The following YTHDC2 variants were observed in gnomAD, a reference collection of about 807,000 sequenced individuals.
YTHDC2 encodes the protein 3'-5' RNA helicase YTHDC2.
Under a neutral mutation model 174.9 loss-of-function variants are expected in YTHDC2, and 45 were observed. The observed-to-expected ratio is 0.26, with a 90% CI of 0.20 to 0.33. The LOEUF is 0.33. Ranked by LOEUF, YTHDC2 falls within the 10% of genes least tolerant of loss-of-function variation. The probability of loss-of-function intolerance (pLI) is 1.00; values close to 1 mark genes in which losing one functional copy is unlikely to be tolerated. For synonymous variants in YTHDC2, 657 were observed against 574.5 expected, an observed-to-expected ratio of 1.14 and a Z score of -2.05; for missense variants, 1,650 against 1,723.7, an observed-to-expected ratio of 0.96 and a Z score of 0.76.
Position 113,526,395 on chromosome 5 carries a change from A to G in YTHDC2, c.476-191A>G, listed in dbSNP as rs17164188. On this transcript the variant is annotated intron_variant, in intron 3 of 29. Coordinates refer to ENST00000161863, the MANE Select transcript of YTHDC2 (RefSeq NM_022828.5). ...ATGTTCAATGAGAATATTATGTGTA[A>G]GAGTACAATTGAGATATTGCTTGAC... Among the ~76,000 whole-genome samples, 1,501 of 152,224 alleles carry G rather than the reference A, an allele frequency of 9.9e-3. 10 individuals carry two copies. Among genetic ancestry groups the G allele is most frequent in the Non-Finnish European group, 0.017 (1,127 of 67,968 alleles).
intron 23 of YTHDC2, among the ~76,000 whole-genome samples, chr5:113,569,053 G>A (rs753861227): frequency 6.6e-6 from 1 of 151,744 alleles, no homozygotes; most frequent in Middle Eastern, 3.4e-3. Flanking sequence ...TTTAATAATA[G>A]CAATTCTGAT....
chr5:113,563,961 G>C lies in YTHDC2; in HGVS notation c.2545G>C (p.Val849Leu). 1 of 1,614,158 alleles carries C rather than the reference G, an allele frequency of 6.2e-7. No homozygotes were observed. The highest frequency in any genetic ancestry group is 8.5e-7 in the Non-Finnish European group (1 of 1,180,026). The change falls in exon 20 of 30, where the codon GTT (valine) becomes CTT (leucine). Residue 849 changes from valine to leucine, a missense_variant. Val to Leu is a conservative substitution (Grantham distance 32). Coordinates refer to ENST00000161863, the MANE Select transcript of YTHDC2 (RefSeq NM_022828.5). The stretch of plus-strand genomic sequence containing the variant: ...TCTTGGTAAAATGGTCTTGTGTGCT[G>C]TTGTTTTAAAGTGTCTGGACCCCAT... ...PHLGKMVLCAVVLKCLDPILT... is the reference protein window; with the variant it reads ...PHLGKMVLCALVLKCLDPILT...
Position 113,553,750 on chromosome 5 carries a change from C to T in YTHDC2, c.1965-17C>T. The T allele has an allele frequency of 3.7e-6, 6 of 1,612,182 alleles. No homozygotes were observed. Among genetic ancestry groups the T allele is most frequent in the East Asian group, 2.2e-5 (1 of 44,834 alleles). Reference sequence around the variant, plus strand: ...GGACAGGTCTTATAGTATGTTTTCTCTTTCAATTGTCTGCAGATACCAAGT... The same window carrying T: ...GGACAGGTCTTATAGTATGTTTTCTTTTTCAATTGTCTGCAGATACCAAGT... On this transcript the variant is annotated splice_polypyrimidine_tract_variant and intron_variant, in intron 14 of 29. Coordinates refer to ENST00000161863, the MANE Select transcript of YTHDC2 (RefSeq NM_022828.5).
intron 1 of YTHDC2, 190 bp downstream of exon 1, chr5:113,514,272 C>T: frequency 2.7e-6 from 2 of 734,836 alleles, no homozygotes; most frequent in African/African-American, 1.7e-5. Flanking sequence ...CGGTGGAATG[C>T]GAGGTGCTCT....
At chr5:113,528,233 G>C (rs1334275349) in intron 4 of YTHDC2, among the ~76,000 whole-genome samples, 1 of 151,998 alleles carries the variant, frequency 6.6e-6, no homozygotes, top group African/African-American at 2.4e-5. Flanking sequence ...CATTTTACTA[G>C]ATATGAAAGG....
intron 2 of YTHDC2, among the ~76,000 whole-genome samples, chr5:113,522,712 T>C (rs547052253): frequency 6.6e-6 from 1 of 152,272 alleles, no homozygotes; most frequent in South Asian, 2.1e-4. Context: ...GTATGACAAA[T>C]TTCTACTGTA....
At chr5:113,526,201 C>T (rs1236714005) in intron 3 of YTHDC2, among the ~76,000 whole-genome samples, 1 of 151,762 alleles carries the variant, frequency 6.6e-6, no homozygotes, top group Non-Finnish European at 1.5e-5. Context: ...ATTTAATTTT[C>T]CATGAAATTA....
At chr5:113,535,596 C>T (rs1256516072) in intron 6 of YTHDC2, 46 bp from the exon 7 acceptor site, 3 of 1,497,518 alleles carry the variant, frequency 2.0e-6, no homozygotes, top group Non-Finnish European at 2.7e-6. Context: ...ACTTAGTCAT[C>T]AATAATGTTT....
chr5:113,538,173 T>C (rs1775212673), intron 7 of YTHDC2, among the ~76,000 whole-genome samples: 1 of 152,222 alleles, frequency 6.6e-6, no homozygotes. Context: ...GCTTCTTTTT[T>C]GGTTTTCACT....
chr5:113,522,145 T>TG (rs1383605078), intron 2 of YTHDC2, among the ~76,000 whole-genome samples: 4 of 136,748 alleles, frequency 2.9e-5, no homozygotes, highest in African/African-American at 8.2e-5. Flanking sequence ...TTTTTTGTTT[T>TG]TTTTTTTTTT....
At chr5:113,554,125 C>G (rs1776447318) in intron 16 of YTHDC2, 103 bp downstream of exon 16, 6 of 696,236 alleles carry the variant, frequency 8.6e-6, no homozygotes, top group Non-Finnish European at 1.1e-5. Flanking sequence ...TTAATTTTAC[C>G]TCTACTCAAG....
chr5:113,517,599 G>A (rs1773533363), intron 2 of YTHDC2: 1 of 456,270 alleles, frequency 2.2e-6, no homozygotes, highest in Non-Finnish European at 4.4e-6. Flanking sequence ...GAGATGCTAA[G>A]GGAAGCAAGG....
At position 113,591,179 on chromosome 5, in the gene YTHDC2, C is replaced by A. The variant is rs758897520; in HGVS notation, c.3964C>A (p.Arg1322=). 1.2e-6 allele frequency: 2 copies of A among 1,613,942 alleles called. No individual in the cohort carries two copies. Among genetic ancestry groups the A allele is most frequent in the South Asian group, 2.2e-5 (2 of 91,074 alleles). Reference sequence around the variant, plus strand: ...TCCTAGTAATGAACGGAAGCTAAATCGAGCCTTTTGGGAAAGCAGCATAGT... The same window carrying A: ...TCCTAGTAATGAACGGAAGCTAAATAGAGCCTTTTGGGAAAGCAGCATAGT... ...TTPSNERKLN[R]AFWESSIVYL... is the part of the protein sequence containing the mutation. The change falls in exon 27 of 30, where the codon CGA becomes AGA. Residue 1322 remains arginine (R), a synonymous_variant. Coordinates refer to ENST00000161863, the MANE Select transcript of YTHDC2 (RefSeq NM_022828.5).
rs889969281 is a variant in YTHDC2 at position 113,594,976 on chromosome 5, A to C, written c.*1502A>C. On this transcript the variant is annotated 3_prime_UTR_variant, in exon 30 of 30. Transcript: ENST00000161863. ...TTCTTGTACTTTAAGACATACCTGT[A>C]AATTGAACCTATTTGAATTATATTC... The C allele has an allele frequency of 6.6e-6, 1 of 152,168 alleles. No individual in the cohort carries two copies. Among genetic ancestry groups the C allele is most frequent in the Non-Finnish European group, 1.5e-5 (1 of 68,014 alleles). 9.4% of individuals were successfully genotyped at this position (152,168 alleles called of 1,614,324 possible).
At chr5:113,584,227 T>C (rs1778549535) in intron 25 of YTHDC2, 75 bp from the exon 26 acceptor site, 2 of 1,302,076 alleles carry the variant, frequency 1.5e-6, no homozygotes, top group Non-Finnish European at 2.1e-6. Context: ...CTTTGTATTA[T>C]AAACTTATAC....
intron 17 of YTHDC2, among the ~76,000 whole-genome samples, chr5:113,559,559 T>C (rs1776824151): frequency 6.6e-6 from 1 of 152,190 alleles, no homozygotes; most frequent in Non-Finnish European, 1.5e-5. Flanking sequence ...GAAATCTCAT[T>C]TGTGCCCTAG....
At chr5:113,521,615 C>A (rs1003653044) in intron 2 of YTHDC2, among the ~76,000 whole-genome samples, 3 of 151,578 alleles carry the variant, frequency 2.0e-5, no homozygotes, top group African/African-American at 4.9e-5. Context: ...GCTGTAGTCC[C>A]AGCTACTGGG....
intron 2 of YTHDC2, among the ~76,000 whole-genome samples, chr5:113,522,648 G>A (rs752443664): frequency 1.3e-5 from 2 of 151,922 alleles, no homozygotes; most frequent in Admixed American, 6.6e-5. Context: ...CCATAGTTTC[G>A]GTTATCTTGG....
At chr5:113,539,443 T>A (rs929749326) in intron 8 of YTHDC2, among the ~76,000 whole-genome samples, 1 of 152,184 alleles carries the variant, frequency 6.6e-6, no homozygotes, top group Non-Finnish European at 1.5e-5. Context: ...AGCCACCTTT[T>A]AAGGAGATAG....
Sources: gnomAD v4.1 joint callset for allele counts (sites outside exome capture counted in the v4.1 genomes callset) on GRCh38, gnomAD v4.1.1 for gene constraint, MANE v1.5 for transcripts, NCBI Gene and HGNC (gene_info 2026-07-23, HGNC 2026-07-21) for gene names.